TRPM5: variants seen among roughly 807,000 people sequenced by gnomAD.
The protein encoded by TRPM5 is MLSN1 and TRP-related.
A neutral mutation model predicts 124.9 loss-of-function variants in TRPM5; 121 were observed. The observed-to-expected ratio is 0.97, with a 90% confidence interval of 0.84 to 1.13. The LOEUF (loss-of-function observed/expected upper bound fraction) is 1.13, where lower values mean the gene tolerates loss of function less well. Among genes scored for constraint, TRPM5 ranks in the 50% most tolerant of loss-of-function variants. TRPM5 has a pLI of 0.00. For missense variants in TRPM5, 1,643 were observed against 1,589.1 expected, an observed-to-expected ratio of 1.03 and a Z score of -0.58; for synonymous variants, 781 against 700.5, an observed-to-expected ratio of 1.11 and a Z score of -1.81.
At chr11:2,414,009 G>GGGGGGCGCCCCCCCCCCC in intron 12 of TRPM5, 52 bp downstream of exon 17, 7 of 1,023,732 alleles carry the variant, frequency 6.8e-6, no homozygotes, top group Non-Finnish European at 8.6e-6. Flanking sequence ...GGCCCAGCTC[G>GGGGGGCGCCCCCCCCCCC]CCCGCCCACC....
chr11:2,415,877 G>A, intron 8 of TRPM5, 29 bp downstream of exon 13: 1 of 1,486,724 alleles, frequency 6.7e-7, no homozygotes, highest in South Asian at 1.2e-5. Flanking sequence ...GCCATGATGG[G>A]GAGGTGGGTA....
chr11:2,411,442 G>A (rs774790310), exon 18 of TRPM5: 1 of 1,612,210 alleles, frequency 6.2e-7, no homozygotes, highest in African/African-American at 1.3e-5. Context: ...CGGCCGTCAT[G>A]GGGGTGCAGC....
chr11:2,433,988 G>T, the TRPM5 span, among the ~76,000 whole-genome samples: 62 of 151,980 alleles, frequency 4.1e-4, no homozygotes, highest in Non-Finnish European at 7.9e-4. Flanking sequence ...TGTCTGTGTG[G>T]ATCTGTGTGG....
upstream of TRPM5, chr11:2,423,186 G>C (rs913180848): frequency 1.7e-5 from 11 of 649,214 alleles, no homozygotes; most frequent in Non-Finnish European, 2.9e-5. Context: ...ACTGCCCCCA[G>C]GCATCTCTGC....
the TRPM5 span, among the ~76,000 whole-genome samples, chr11:2,432,319 T>C: frequency 1.3e-5 from 2 of 152,186 alleles, no homozygotes; most frequent in African/African-American, 2.4e-5. Flanking sequence ...AGGCTTTACG[T>C]TGGAACTTCC....
At position 2,411,819 on chromosome 11, in the gene TRPM5, T is replaced by A. The variant is rs920430983; in HGVS notation, c.2475-52A>T. 3 of 1,602,722 alleles carry A rather than the reference T, an allele frequency of 1.9e-6. No homozygotes were observed. In the African/African-American group the frequency reaches 4.0e-5, roughly 22 times the overall value. On this transcript the variant is annotated intron_variant, in intron 16 of 23. Coordinates refer to ENST00000155858, the Ensembl canonical transcript of TRPM5. Reference sequence around the variant, plus strand: ...GCGGGGCCCAGAGAGGGGCAGAGGCTTCCCCAGGGGCACACAGCATGCTGG... The same window carrying A: ...GCGGGGCCCAGAGAGGGGCAGAGGCATCCCCAGGGGCACACAGCATGCTGG...
Position 2,418,771 on chromosome 11 carries a change from G to C in TRPM5, c.650-180C>G, listed in dbSNP as rs143455543. 5.5e-3 allele frequency among the ~76,000 whole-genome samples: 840 copies of C among 152,334 alleles called. 2 individuals are homozygous for C. Among genetic ancestry groups the C allele is most frequent in the Non-Finnish European group, 9.1e-3 (620 of 68,042 alleles). ...ACAGCCCCTGCCATATGAGGGCCGA[G>C]GGCTCCAATGCTAACCTACACTACC... On this transcript the variant is annotated intron_variant, in intron 4 of 23. Transcript: ENST00000155858.
At chr11:2,443,931 A>G in the TRPM5 span, among the ~76,000 whole-genome samples, 1 of 144,460 alleles carries the variant, frequency 6.9e-6, no homozygotes, top group Non-Finnish European at 1.5e-5. This position sits in a 1 kb window ranked among gnomAD's most constrained non-coding sequence, Gnocchi z 5.0. Context: ...ACCCCCACCC[A>G]GGGGAATCCA....
upstream of TRPM5, chr11:2,423,132 C>T (rs1001172561): frequency 8.9e-6 from 9 of 1,008,780 alleles, no homozygotes; most frequent in Admixed American, 8.7e-5. Context: ...CTGCTTTCCC[C>T]TGGGAAGCCC....
exon 24 of TRPM5, chr11:2,404,602 G>T: frequency 6.5e-6 from 2 of 308,362 alleles, no homozygotes; most frequent in Admixed American, 4.9e-5. Flanking sequence ...AGTCTGGATG[G>T]GGGTGCTCCC....
chr11:2,406,203 C>A, intron 21 of TRPM5, 112 bp from the exon 27 acceptor site: 1 of 1,160,326 alleles, frequency 8.6e-7, no homozygotes, highest in African/African-American at 1.5e-5. Context: ...GGTGCCCTGG[C>A]CCTTTCCCTT....
At chr11:2,430,453 G>A in the TRPM5 span, among the ~76,000 whole-genome samples, 3 of 94,118 alleles carry the variant, frequency 3.2e-5, no homozygotes, top group South Asian at 9.7e-4. Flanking sequence ...TGATACTAGT[G>A]GTGGTGGTGG....
chr11:2,413,185 T>C lies in TRPM5; in HGVS notation c.2045A>G (p.Asp682Gly), dbSNP rs754490092. ...CTTCTCCGTGTCCAGGCTGTCCAGG[T>C]CCTGCAGGTCCTCCAGGCCTGTCCT... is the stretch of plus-strand genomic sequence containing the variant. The change falls in exon 14 of 24, where the codon GAC (aspartate) becomes GGC (glycine). Residue 682 changes from aspartate to glycine, a missense_variant. Transcript: ENST00000155858. 3.2e-6 allele frequency: 5 copies of C among 1,551,802 alleles called. No individual in the cohort carries two copies. In the South Asian group the frequency reaches 5.9e-5, roughly 18 times the overall value.
intron 21 of TRPM5, 147 bp from the exon 27 acceptor site, chr11:2,406,238 G>A (rs1450168389): frequency 3.7e-6 from 3 of 809,652 alleles, no homozygotes; most frequent in Middle Eastern, 3.0e-4. Context: ...AGATCTGGTG[G>A]CACCAGGACC....
the TRPM5 span, among the ~76,000 whole-genome samples, chr11:2,430,863 G>GTGT: frequency 1.4e-5 from 2 of 144,176 alleles, no homozygotes; most frequent in Non-Finnish European, 3.0e-5. Context: ...GATGGAGGTG[G>GTGT]TGTTGGTGGT....
Position 2,422,996 on chromosome 11 carries a change from TC to T in TRPM5, c.40del (p.Asp14MetfsTer67), listed in dbSNP as rs1312408142. ...GCCCAGCTCCCGCCGGTCTTCAGCA[TC>T]CCCGGGGCTTCCGGGACGGGGGCCT... On this transcript the variant is annotated frameshift_variant, in exon 1 of 24. Transcript: ENST00000155858. LOFTEE classifies it high-confidence loss of function. 1.2e-6 allele frequency: 2 copies of T among 1,612,846 alleles called. No individual in the cohort carries two copies. Among genetic ancestry groups the T allele is most frequent in the Non-Finnish European group, 1.7e-6 (2 of 1,179,822 alleles).
chr11:2,435,434 C>A, the TRPM5 span, among the ~76,000 whole-genome samples: 3 of 152,054 alleles, frequency 2.0e-5, no homozygotes, highest in East Asian at 5.8e-4. The surrounding 1 kb of genome is among the most constrained non-coding windows in gnomAD (Gnocchi z 4.1). Flanking sequence ...ACCCACCCAG[C>A]CATCCAGCCT....
chr11:2,412,768 C>A lies in TRPM5; in HGVS notation c.2341G>T (p.Glu781Ter). The change falls in exon 15 of 24, where the codon GAG (glutamate) becomes TAG (stop). Residue 781 changes from glutamate (E) to a stop codon, truncating the protein, a stop_gained. Transcript: ENST00000155858. LOFTEE classifies it high-confidence loss of function. ...TGGCCACCGACCTGCCGGATTTCCT[C>A]CAGCACCAGCGTAAAGACCCAGAAG... 1 of 1,600,410 alleles carries A rather than the reference C, an allele frequency of 6.2e-7. No individual in the cohort carries two copies. The highest frequency in any genetic ancestry group is 1.1e-5 in the South Asian group (1 of 89,706).
At chr11:2,414,288 AG>A in intron 11 of TRPM5, 82 bp from the exon 17 acceptor site, 1 of 1,507,080 alleles carries the variant, frequency 6.6e-7, no homozygotes, top group Non-Finnish European at 8.9e-7. Flanking sequence ...TCCCCTGCCC[AG>A]ACCTGGGCTC....
Sources: gnomAD v4.1 joint callset for allele counts (sites outside exome capture counted in the v4.1 genomes callset) on GRCh38, gnomAD v4.1.1 for gene constraint, Gnocchi (gnomAD v3.1) non-coding constraint, MANE v1.5 for transcripts, NCBI Gene and HGNC (gene_info 2026-07-23, HGNC 2026-07-21) for gene names.